KCNA2: variants seen among roughly 807,000 people sequenced by gnomAD.
The protein encoded by KCNA2 is potassium channel, voltage gated shaker related subfamily A, member 2.
Under a neutral mutation model 33.4 loss-of-function variants are expected in KCNA2, and 11 were observed. The ratio of observed to expected loss-of-function variants is 0.33; its 90% CI spans 0.21 to 0.55. The LOEUF is 0.55. KCNA2 is among the 20% of genes least tolerant of loss of function. KCNA2 has a pLI of 0.93. For missense variants in KCNA2, 291 were observed against 621.6 expected (o/e 0.47, Z 5.66); for synonymous variants, 222 against 231.3 (o/e 0.96, Z 0.37).
At chr1:110,611,077 C>T (rs140400133), upstream of KCNA2, among the ~76,000 whole-genome samples, 721 of 140,938 alleles carry the variant, frequency 5.1e-3, 5 homozygotes, top group Non-Finnish European at 9.2e-3. Context: ...AGGAAAGGGA[C>T]CTTCATTGTT....
upstream of KCNA2, among the ~76,000 whole-genome samples, chr1:110,609,319 C>T (rs549046220): frequency 1.3e-5 from 2 of 152,302 alleles, no homozygotes; most frequent in East Asian, 3.9e-4. Flanking sequence ...AATCAATCGT[C>T]ATAATTGGTG....
At chr1:110,620,053 CGAGAGAGAGAGAGAGA>C (rs3050013) in intron 1 of KCNA2, among the ~76,000 whole-genome samples, 5 of 126,748 alleles carry the variant, frequency 3.9e-5, no homozygotes, top group Non-Finnish European at 8.0e-5. Context: ...AGAGCGAGAG[CGAGAGAGAGAGAGAGA>C]GAGAGAGAGA....
chr1:110,596,230 C>A lies in KCNA2; in HGVS notation c.*7053G>T. ...GTCATTCAAAAAATGCACATAAATG[C>A]AGTTTATTCCTTGGATTGCCAAATT... On this transcript the variant is annotated 3_prime_UTR_variant, in exon 3 of 3. Transcript: ENST00000316361. 1 of 984,950 alleles carries A rather than the reference C, an allele frequency of 1.0e-6. No homozygotes were observed. Among genetic ancestry groups the A allele is most frequent in the Non-Finnish European group, 1.2e-6 (1 of 829,668 alleles). 61.0% of individuals were successfully genotyped at this position (984,950 alleles called of 1,614,324 possible). A position where few individuals can be genotyped will look rare whatever the true frequency, so the allele number is the denominator to read the frequency against.
In KCNA2 at chr1:110,601,441, A is replaced by G; in HGVS notation, c.*1842T>C. On this transcript the variant is annotated 3_prime_UTR_variant, in exon 3 of 3. Coordinates refer to ENST00000316361, the MANE Select transcript of KCNA2 (RefSeq NM_004974.4). ...CAAATGATAATAAGATCCAAGTGGC[A>G]AGGGAAGAGGTGAAAATGGAGATGA... The G allele has an allele frequency of 1.0e-6, 1 of 985,496 alleles. No homozygotes were observed. Among genetic ancestry groups the G allele is most frequent in the Non-Finnish European group, 1.2e-6 (1 of 829,980 alleles). The allele number at this position is 985,496 out of a possible 1,614,324, so 61.0% of individuals were successfully genotyped here.
chr1:110,603,088 T>C lies in KCNA2; in HGVS notation c.*195A>G, dbSNP rs909699913. ...TCTTTGGAAGTTCATAAGCCGGTGA[T>C]GAGGATGTGCATGAAAGCCATGATA... is the stretch of plus-strand genomic sequence containing the variant. On this transcript the variant is annotated 3_prime_UTR_variant, in exon 3 of 3. Transcript: ENST00000316361. This position sits in a 1 kb window ranked among gnomAD's most constrained non-coding sequence, Gnocchi z 5.7. 7.1e-7 allele frequency: 1 copy of C among 1,414,918 alleles called. No individual in the cohort carries two copies. The highest frequency in any genetic ancestry group is 9.2e-7 in the Non-Finnish European group (1 of 1,092,150). The allele number at this position is 1,414,918 out of a possible 1,614,324, so 87.6% of individuals were successfully genotyped here.
rs1649115493 is a variant in KCNA2 at position 110,596,788 on chromosome 1, C to G, written c.*6495G>C. On this transcript the variant is annotated 3_prime_UTR_variant, in exon 3 of 3. Coordinates refer to ENST00000316361, the MANE Select transcript of KCNA2 (RefSeq NM_004974.4). ...GCAAAGCAATCAGGATGTTCCTGTC[C>G]CTGAGGTTTCCCCATCAGTTAACTG... 3.0e-6 allele frequency: 3 copies of G among 985,276 alleles called. No homozygotes were observed. In the African/African-American group the frequency reaches 5.2e-5, roughly 17 times the overall value. 61.0% of individuals were successfully genotyped at this position (985,276 alleles called of 1,614,324 possible). A position where few individuals can be genotyped will look rare whatever the true frequency, so the allele number is the denominator to read the frequency against.
At position 110,595,147 on chromosome 1, in the gene KCNA2, A is replaced by G; in HGVS notation, c.*8136T>C. 1.0e-6 allele frequency: 1 copy of G among 985,352 alleles called. No homozygotes were observed. Among genetic ancestry groups the G allele is most frequent in the Non-Finnish European group, 1.2e-6 (1 of 829,930 alleles). The allele number at this position is 985,352 out of a possible 1,614,324, so 61.0% of individuals were successfully genotyped here. ...GGTCCTAGCACACAGCCACATCTAC[A>G]CTGCCCTCAATGATCTAGATGTTGC... On this transcript the variant is annotated 3_prime_UTR_variant, in exon 3 of 3. Transcript: ENST00000316361.
Position 110,597,688 on chromosome 1 carries a change from C to G in KCNA2, c.*5595G>C. On this transcript the variant is annotated 3_prime_UTR_variant, in exon 3 of 3. Transcript: ENST00000316361. The stretch of plus-strand genomic sequence containing the variant: ...AACTACAGAGACTGTGAATGAGCCC[C>G]CAGAAGTCAAGGGCATTATCTGATA... The G allele has an allele frequency of 2.6e-5, 26 of 985,358 alleles. No individual in the cohort carries two copies. The highest frequency in any genetic ancestry group is 3.1e-5 in the Non-Finnish European group (26 of 829,926). The allele number at this position is 985,358 out of a possible 1,614,324, so 61.0% of individuals were successfully genotyped here. A position where few individuals can be genotyped will look rare whatever the true frequency, so the allele number is the denominator to read the frequency against.
rs142150310 is a variant in KCNA2, at chr1:110,603,437, C to T, written c.1346G>A (p.Ser449Asn). ...PSSPDLKKSR[S>N]ASTISKSDYM... ...ATCAGACTTACTAATGGTAGAGGCA[C>T]TTCTACTTTTCTTTAGGTCAGGGGA... The change falls in exon 3 of 3, where the codon AGT becomes AAT. Residue 449 changes from serine to asparagine, a missense_variant. Transcript: ENST00000316361. This position sits in a 1 kb window ranked among gnomAD's most constrained non-coding sequence, Gnocchi z 5.7. The T allele has an allele frequency of 6.2e-7, 1 of 1,614,150 alleles. No homozygotes were observed. Among genetic ancestry groups the T allele is most frequent in the Non-Finnish European group, 8.5e-7 (1 of 1,180,042 alleles).
In KCNA2 at chr1:110,595,008, T is replaced by A. The variant is rs1322896856; in HGVS notation, c.*8275A>T. Reference sequence around the variant, plus strand: ...GCAGCCCAGAGCATTTATTCACTCATACAAACAAGGCATTCGGTGTCTAGG... The same window carrying A: ...GCAGCCCAGAGCATTTATTCACTCAAACAAACAAGGCATTCGGTGTCTAGG... On this transcript the variant is annotated 3_prime_UTR_variant, in exon 3 of 3. Coordinates refer to ENST00000316361, the MANE Select transcript of KCNA2 (RefSeq NM_004974.4). The A allele has an allele frequency of 3.0e-6, 3 of 985,250 alleles. No homozygotes were observed. Among genetic ancestry groups the A allele is most frequent in the Non-Finnish European group, 3.6e-6 (3 of 829,932 alleles). The allele number at this position is 985,250 out of a possible 1,614,324, so 61.0% of individuals were successfully genotyped here.
upstream of KCNA2, among the ~76,000 whole-genome samples, chr1:110,609,757 G>A (rs1017935634): frequency 6.6e-6 from 1 of 152,120 alleles, no homozygotes; most frequent in African/African-American, 2.4e-5. Context: ...AGTTGTTTAG[G>A]CACATTTCAG....
At chr1:110,620,049 A>AGAGCGAGC (rs1284269547) in intron 1 of KCNA2, among the ~76,000 whole-genome samples, 3 of 112,944 alleles carry the variant, frequency 2.7e-5, no homozygotes, top group Non-Finnish European at 5.4e-5. Context: ...AGAGAGAGCG[A>AGAGCGAGC]GAGCGAGAGA....
chr1:110,631,238 C>A (rs1327141356), intron 1 of KCNA2, among the ~76,000 whole-genome samples: 1 of 152,208 alleles, frequency 6.6e-6, no homozygotes, highest in East Asian at 1.9e-4. Flanking sequence ...TTGTCTGGCC[C>A]TTGAGGTGTC....
intron 1 of KCNA2, 28 bp downstream of exon 1, chr1:110,606,200 G>C (rs11102136): frequency 0.22 from 33,138 of 152,536 alleles, 5,382 homozygotes; most frequent in East Asian, 0.41. Context: ...AACAAAGTCT[G>C]CACTGTACGA....
Position 110,604,028 on chromosome 1 carries a change from G to A in KCNA2, c.755C>T (p.Thr252Ile). 2 of 1,614,234 alleles carry A rather than the reference G, an allele frequency of 1.2e-6. No individual in the cohort carries two copies. Among genetic ancestry groups the A allele is most frequent in the Non-Finnish European group, 1.7e-6 (2 of 1,180,038 alleles). Residue 252 changes from threonine to isoleucine, a missense_variant, in exon 3 of 3, where the codon ACC (threonine) becomes ATC (isoleucine). By Grantham distance (89) the Thr-to-Ile change is moderately conservative. This residue lies in a region of KCNA2 where 43 missense variants were observed against 159.4 expected (regional missense o/e 0.27). Transcript: ENST00000316361. This position sits in a 1 kb window ranked among gnomAD's most constrained non-coding sequence, Gnocchi z 7.6. ...FACPSKAGFF[T>I]NIMNIIDIVA... ...AATGTCAATGATGTTCATGATGTTG[G>A]TGAAGAAGCCGGCTTTGCTGGGACA... is the stretch of plus-strand genomic sequence containing the variant.
In KCNA2 at chr1:110,619,779, A is replaced by G. The variant is rs138549907; in HGVS notation, c.-496+11616T>C. ...TAAGCCCTTAAACCCCAGCACTTTC[A>G]GTCACCTGAGGTCACCTCTCTGACA... On this transcript the variant is annotated intron_variant, in intron 1 of 4. Coordinates refer to the KCNA2 transcript ENST00000369770. 3.2e-3 allele frequency among the ~76,000 whole-genome samples: 493 copies of G among 152,298 alleles called. 5 individuals are homozygous for G. The highest frequency in any genetic ancestry group is 0.011 in the African/African-American group (468 of 41,560).
rs1649223428 is a variant in KCNA2 at position 110,599,003 on chromosome 1, C to T, written c.*4280G>A. ...CTTGATGAAGCCAACAGGAATGGTA[C>T]CTTGACCTGGAAACACAAGTTTCCA... On this transcript the variant is annotated 3_prime_UTR_variant, in exon 3 of 3. Transcript: ENST00000316361. The T allele has an allele frequency of 6.1e-6, 6 of 985,366 alleles. No individual in the cohort carries two copies. Among genetic ancestry groups the T allele is most frequent in the Non-Finnish European group, 7.2e-6 (6 of 829,912 alleles). The allele number at this position is 985,366 out of a possible 1,614,324, so 61.0% of individuals were successfully genotyped here. A position where few individuals can be genotyped will look rare whatever the true frequency, so the allele number is the denominator to read the frequency against.
At chr1:110,614,537 T>C (rs1649988719) in intron 1 of KCNA2, among the ~76,000 whole-genome samples, 1 of 152,208 alleles carries the variant, frequency 6.6e-6, no homozygotes, top group Non-Finnish European at 1.5e-5. Context: ...AGCAAGTTGA[T>C]ATCATGGAAA....
rs753540214 is a variant in KCNA2, at chr1:110,604,814, G to C, written c.-32C>G. 6.4e-6 allele frequency: 10 copies of C among 1,569,658 alleles called. No homozygotes were observed. In the African/African-American group the frequency reaches 8.2e-5, roughly 13 times the overall value. ...GACTGAGAGAAGCACCTCACGCTAT[G>C]CCTTTCAGCTGCCTGGTGGCAGGGA... On this transcript the variant is annotated 5_prime_UTR_variant, in exon 3 of 3. Transcript: ENST00000316361. This position sits in a 1 kb window ranked among gnomAD's most constrained non-coding sequence, Gnocchi z 7.6.
Sources: allele counts gnomAD v4.1 joint callset (sites outside exome capture counted in the v4.1 genomes callset), GRCh38; gene constraint gnomAD v4.1.1; regional missense constraint gnomAD v4.1.1; non-coding constraint Gnocchi (gnomAD v3.1); transcripts MANE v1.5; gene names NCBI Gene and HGNC (gene_info 2026-07-23, HGNC 2026-07-21).